The following ITGA8 variants were observed in gnomAD, a reference collection of about 807,000 sequenced individuals.
ITGA8 encodes integrin alpha-8.
A neutral mutation model predicts 142.3 loss-of-function variants in ITGA8; 91 were observed. That is an observed-to-expected ratio of 0.64 (90% CI 0.54 to 0.76). The LOEUF is 0.76. Among genes scored for constraint, ITGA8 ranks in the 30% least tolerant of loss-of-function variants. ITGA8 has a pLI of 0.00. For missense variants in ITGA8, 1,406 were observed against 1,327.7 expected, an observed-to-expected ratio of 1.06 and a Z score of -0.92; for synonymous variants, 505 against 485.2, an observed-to-expected ratio of 1.04 and a Z score of -0.54.
chr10:15,561,209 C>CTATATATA (rs529527480), intron 25 of ITGA8, among the ~76,000 whole-genome samples: 206 of 116,924 alleles, frequency 1.8e-3, no homozygotes, highest in East Asian at 0.011. Flanking sequence ...TATCTGTTGG[C>CTATATATA]TATATATATA....
chr10:15,663,001 A>T (rs1258846620), intron 8 of ITGA8, among the ~76,000 whole-genome samples: 3 of 152,196 alleles, frequency 2.0e-5, no homozygotes, highest in Non-Finnish European at 4.4e-5. Flanking sequence ...CACAAGAAAA[A>T]TTATACACAA....
rs71374633 is a variant in ITGA8 at position 15,565,573 on chromosome 10, A to ATTTTTTTTTTTTTTTTTTT, written c.2637+6619_2637+6637dup. 4.6e-4 allele frequency among the ~76,000 whole-genome samples: 16 copies of ATTTTTTTTTTTTTTTTTTT among 34,782 alleles called. 3 individuals carry two copies. The highest frequency in any genetic ancestry group is 2.8e-3 in the East Asian group (2 of 718). The allele number at this position is 34,782 out of a possible 152,430, so 22.8% of individuals were successfully genotyped here. ...ATAATCTTCTTCCTTTCATGTCCTG[A>ATTTTTTTTTTTTTTTTTTT]TTTTTTTTTTTTTTTTTTTTTTTTT... On this transcript the variant is annotated intron_variant, in intron 25 of 29. Transcript: ENST00000378076.
intron 8 of ITGA8, among the ~76,000 whole-genome samples, chr10:15,663,585 T>C (rs1161362660): frequency 2.0e-5 from 3 of 151,928 alleles, no homozygotes; most frequent in Non-Finnish European, 4.4e-5. Context: ...CTTTTTTTTT[T>C]TGGACGAGAT....
rs553993999 is a variant in ITGA8 at position 15,633,793 on chromosome 10, C to T, written c.1399+10237G>A. On this transcript the variant is annotated intron_variant, in intron 13 of 29. Coordinates refer to ENST00000378076, the MANE Select transcript of ITGA8 (RefSeq NM_003638.3). ...GTGGATCCCTTTTCCCCCCCTCACTCATATATCACTAAGTCAAATCATTAA... is the reference window on the plus strand; with the variant it reads ...GTGGATCCCTTTTCCCCCCCTCACTTATATATCACTAAGTCAAATCATTAA... 1.6e-4 allele frequency among the ~76,000 whole-genome samples: 24 copies of T among 152,290 alleles called. 1 individual carries two copies. Among genetic ancestry groups the T allele is most frequent in the African/African-American group, 5.8e-4 (24 of 41,560 alleles).
intron 13 of ITGA8, among the ~76,000 whole-genome samples, chr10:15,633,169 C>T (rs1320101746): frequency 6.6e-6 from 1 of 152,140 alleles, no homozygotes; most frequent in Non-Finnish European, 1.5e-5. Context: ...TAACTGTCCC[C>T]AGTCCACCTT....
Position 15,514,295 on chromosome 10 carries a change from T to C in ITGA8, c.*2863A>G, listed in dbSNP as rs1832925190. The C allele has an allele frequency of 6.6e-6, 1 of 152,226 alleles. No homozygotes were observed. The highest frequency in any genetic ancestry group is 1.5e-5 in the Non-Finnish European group (1 of 68,034). 9.4% of individuals were successfully genotyped at this position (152,226 alleles called of 1,614,324 possible). ...AGCAGATAACGCTCAGTGTGTTCTC[T>C]GTCGTCAGTATGTTCTCTGGGCAGA... On this transcript the variant is annotated 3_prime_UTR_variant, in exon 30 of 30. Transcript: ENST00000378076.
chr10:15,698,669 T>A (rs1421981967), intron 2 of ITGA8, among the ~76,000 whole-genome samples: 2 of 152,218 alleles, frequency 1.3e-5, no homozygotes. Flanking sequence ...TTAGCGATGT[T>A]GAACATTTTT....
Position 15,607,817 on chromosome 10 carries a change from C to A in ITGA8, c.1624G>T (p.Val542Leu), listed in dbSNP as rs564126132. 5.9e-5 allele frequency: 95 copies of A among 1,611,772 alleles called. No individual in the cohort carries two copies. The South Asian group carries it at 9.7e-4, about 16-fold the overall frequency. Reference protein sequence around the residue: ...IANTIVLMAEVQLDSLKQKGA... With the variant: ...IANTIVLMAELQLDSLKQKGA... Reference sequence around the variant, plus strand: ...TTCTGTTTCAGGGAATCTAATTGCACCTCTGCCATCAAGACTAAAGGACAG... The same window carrying A: ...TTCTGTTTCAGGGAATCTAATTGCAACTCTGCCATCAAGACTAAAGGACAG... The change falls in exon 17 of 30, where the codon GTG becomes TTG. Residue 542 changes from valine (V) to leucine (L), a missense_variant. Physicochemically the swap from Val to Leu is conservative, Grantham distance 32. Transcript: ENST00000378076.
chr10:15,691,778 G>A (rs972673741), intron 2 of ITGA8, among the ~76,000 whole-genome samples: 2 of 152,130 alleles, frequency 1.3e-5, no homozygotes. Flanking sequence ...GAGATTTATT[G>A]TACAGAGAGG....
chr10:15,519,588 T>G (rs1833019972), intron 28 of ITGA8, among the ~76,000 whole-genome samples, 176 bp from the exon 29 acceptor site: 1 of 152,144 alleles, frequency 6.6e-6, no homozygotes, highest in Non-Finnish European at 1.5e-5. Flanking sequence ...AGCTAGCATG[T>G]TCCTAGATCT....
At chr10:15,719,475 T>A (rs1434861577) in intron 1 of ITGA8, 88 bp downstream of exon 1, 6 of 1,245,728 alleles carry the variant, frequency 4.8e-6, no homozygotes, top group Non-Finnish European at 6.4e-6. Flanking sequence ...GATCCCAGGC[T>A]GCGGGGGGAC....
intron 8 of ITGA8, among the ~76,000 whole-genome samples, chr10:15,669,928 G>T (rs1265067218): frequency 6.6e-6 from 1 of 152,148 alleles, no homozygotes; most frequent in East Asian, 1.9e-4. Flanking sequence ...CCGCTACTGG[G>T]GGGTCCTTCC....
chr10:15,654,588 G>C (rs907579323), intron 11 of ITGA8, among the ~76,000 whole-genome samples: 1 of 152,140 alleles, frequency 6.6e-6, no homozygotes, highest in African/African-American at 2.4e-5. Context: ...TGCTTAGCCC[G>C]TTGCCTAGAA....
intron 2 of ITGA8, among the ~76,000 whole-genome samples, chr10:15,710,826 G>C (rs1468972986): frequency 6.6e-6 from 1 of 152,222 alleles, no homozygotes; most frequent in Admixed American, 6.5e-5. Context: ...GCTGCGTATA[G>C]CGTGGGCCGG....
intron 2 of ITGA8, among the ~76,000 whole-genome samples, chr10:15,714,849 C>G (rs1003699967): frequency 3.9e-5 from 6 of 152,058 alleles, no homozygotes; most frequent in Non-Finnish European, 5.9e-5. Flanking sequence ...GTTACCAGAG[C>G]AGAATACCCA....
At chr10:15,580,126 T>TAAAAAA (rs35286236) in intron 23 of ITGA8, among the ~76,000 whole-genome samples, 196 of 108,660 alleles carry the variant, frequency 1.8e-3, no homozygotes, top group East Asian at 2.8e-3. Flanking sequence ...TCAGAAAATG[T>TAAAAAA]AAAAAAAAAA....
rs1588703988 is a variant in ITGA8, at chr10:15,659,031, T to C, written c.916A>G (p.Met306Val). 3 of 1,608,168 alleles carry C rather than the reference T, an allele frequency of 1.9e-6. No individual in the cohort carries two copies. The highest frequency in any genetic ancestry group is 4.5e-5 in the East Asian group (2 of 44,678). The change falls in exon 10 of 30, where the codon ATG becomes GTG. Residue 306 changes from methionine to valine, a missense_variant. Met to Val is a conservative substitution (Grantham distance 21). Coordinates refer to ENST00000378076, the MANE Select transcript of ITGA8 (RefSeq NM_003638.3). ...CCCGTGAAATTCTGAATAAACGTCA[T>C]ATCCGTAGAGTTAATGATGGAAACC... ...GYVSIINSTD[M>V]TFIQNFTGEQ...
intron 13 of ITGA8, among the ~76,000 whole-genome samples, chr10:15,638,811 A>G (rs1481155314): frequency 1.3e-5 from 2 of 152,126 alleles, no homozygotes; most frequent in African/African-American, 4.8e-5. Flanking sequence ...GGGCAGCTGA[A>G]CGCCTGTATG....
At chr10:15,663,674 TCCTCCTGCCTCAG>T (rs1231159704) in intron 8 of ITGA8, among the ~76,000 whole-genome samples, 2 of 152,056 alleles carry the variant, frequency 1.3e-5, no homozygotes, top group African/African-American at 4.8e-5. Context: ...GGTCAAGTGA[TCCTCCTGCCTCAG>T]CCTCCCAGCC....
Sources: gnomAD v4.1 joint callset for allele counts (sites outside exome capture counted in the v4.1 genomes callset) on GRCh38, gnomAD v4.1.1 for gene constraint, MANE v1.5 for transcripts, NCBI Gene and HGNC (gene_info 2026-07-23, HGNC 2026-07-21) for gene names.